The following MTMR14 variants were observed in gnomAD, a reference collection of about 807,000 sequenced individuals.
The protein encoded by MTMR14 is phosphatidylinositol-3,5-bisphosphate 3-phosphatase MTMR14.
In MTMR14, 48 loss-of-function variants were observed where a neutral mutation model predicts 86.3. The ratio of observed to expected loss-of-function variants is 0.56; its 90% CI spans 0.44 to 0.71. The LOEUF is 0.71. Among genes scored for constraint, MTMR14 ranks in the 30% least tolerant of loss-of-function variants. The pLI, the probability that MTMR14 is intolerant of heterozygous loss-of-function variation, is 0.00. For missense variants in MTMR14, 780 were observed against 834.6 expected (o/e 0.93, Z 0.81); for synonymous variants, 366 against 326.1 (o/e 1.12, Z -1.32).
At chr3:9,673,095 G>T (rs953966692) in intron 7 of MTMR14, among the ~76,000 whole-genome samples, 4 of 152,196 alleles carry the variant, frequency 2.6e-5, no homozygotes, top group Non-Finnish European at 5.9e-5. Flanking sequence ...AGTGGTCTGT[G>T]CATGAAAATA....
chr3:9,649,785 G>A, intron 1 of MTMR14, 43 bp downstream of exon 1: 3 of 1,609,618 alleles, frequency 1.9e-6, no homozygotes, highest in Non-Finnish European at 2.5e-6. Context: ...CTCCTAACTT[G>A]GGAAGTTACA....
At position 9,649,529 on chromosome 3, in the gene MTMR14, C is replaced by T. The variant is rs28372784; in HGVS notation, c.-55C>T. ...GAGGTTCTAGTGTCGGAGTTGGGTGCAGGCAGGTGCCATGGGCCCGCTTGA... is the reference window on the plus strand; with the variant it reads ...GAGGTTCTAGTGTCGGAGTTGGGTGTAGGCAGGTGCCATGGGCCCGCTTGA... On this transcript the variant is annotated 5_prime_UTR_variant, in exon 1 of 19. Coordinates refer to ENST00000296003, the MANE Select transcript of MTMR14 (RefSeq NM_001077525.3). The T allele has an allele frequency of 4.3e-5, 64 of 1,503,162 alleles. No homozygotes were observed. Among genetic ancestry groups the T allele is most frequent in the East Asian group, 1.2e-4 (5 of 40,376 alleles). 93.1% of individuals were successfully genotyped at this position (1,503,162 alleles called of 1,614,324 possible). A position where few individuals can be genotyped will look rare whatever the true frequency, so the allele number is the denominator to read the frequency against.
chr3:9,673,275 T>A (rs1376418291), intron 7 of MTMR14, among the ~76,000 whole-genome samples: 1 of 152,248 alleles, frequency 6.6e-6, no homozygotes, highest in Non-Finnish European at 1.5e-5. Context: ...ATAATTGCTA[T>A]GTTCCCAGTA....
intron 1 of MTMR14, among the ~76,000 whole-genome samples, chr3:9,651,662 A>G (rs532059454): frequency 2.6e-5 from 4 of 152,094 alleles, no homozygotes; most frequent in Admixed American, 2.0e-4. Context: ...CTTTGGACTA[A>G]CTTCTTGCAA....
chr3:9,696,800 C>G (rs2076293666), intron 17 of MTMR14, among the ~76,000 whole-genome samples: 1 of 152,200 alleles, frequency 6.6e-6, no homozygotes, highest in Admixed American at 6.5e-5. Flanking sequence ...TGGAGTACCT[C>G]CTGCTGTTTT....
At chr3:9,682,933 G>GTCC (rs2075815443) in intron 9 of MTMR14, among the ~76,000 whole-genome samples, 1 of 142,054 alleles carries the variant, frequency 7.0e-6, no homozygotes, top group African/African-American at 2.7e-5. Flanking sequence ...TTGGGTCAGA[G>GTCC]CCCCCCCCCC....
At chr3:9,658,927 C>T (rs561730292) in intron 2 of MTMR14, among the ~76,000 whole-genome samples, 2 of 152,306 alleles carry the variant, frequency 1.3e-5, no homozygotes, top group South Asian at 2.1e-4. Flanking sequence ...TGGTGGCTCA[C>T]GCCTATAATC....
intron 2 of MTMR14, among the ~76,000 whole-genome samples, chr3:9,655,583 C>T (rs1484589473): frequency 1.3e-5 from 2 of 149,756 alleles, no homozygotes; most frequent in Non-Finnish European, 3.0e-5. Context: ...GCCTCAGCCT[C>T]CTGAGTAGCT....
At chr3:9,683,063 A>G in intron 9 of MTMR14, 115 bp from the exon 10 acceptor site, 2 of 888,414 alleles carry the variant, frequency 2.3e-6, no homozygotes, top group Non-Finnish European at 3.5e-6. Flanking sequence ...TATGGTCTGT[A>G]ACCAAGGACC....
At chr3:9,693,791 G>A (rs1018696407) in intron 17 of MTMR14, among the ~76,000 whole-genome samples, 8 of 152,118 alleles carry the variant, frequency 5.3e-5, no homozygotes, top group African/African-American at 1.7e-4. Context: ...CCAAGGACTT[G>A]GTATTGGTGG....
chr3:9,653,653 G>A lies in MTMR14; in HGVS notation c.192G>A (p.Leu64=). Residue 64 remains leucine (L), a synonymous_variant, in exon 2 of 19, where the codon CTG becomes CTA. Transcript: ENST00000296003. ...GCATTGAGAAGAGATGTCTGGAGCT[G>A]TTTGGCCGAGACTACTGTTTCAGCG... ...VERIEKRCLE[L]FGRDYCFSVI... 6.2e-7 allele frequency: 1 copy of A among 1,614,158 alleles called. No individual in the cohort carries two copies. Among genetic ancestry groups the A allele is most frequent in the Non-Finnish European group, 8.5e-7 (1 of 1,180,046 alleles).
intron 17 of MTMR14, among the ~76,000 whole-genome samples, chr3:9,693,920 G>GCTCTAT (rs2076209769): frequency 6.6e-6 from 1 of 152,204 alleles, no homozygotes; most frequent in Admixed American, 6.5e-5. Flanking sequence ...CCTGATCAAG[G>GCTCTAT]TTCCAGCTCT....
chr3:9,684,495 C>T (rs888324114), intron 10 of MTMR14, 90 bp from the exon 11 acceptor site: 6 of 1,248,632 alleles, frequency 4.8e-6, no homozygotes, highest in Admixed American at 1.7e-5. Flanking sequence ...GGGCCTGGCT[C>T]CCTCCACCAG....
At chr3:9,660,054 A>G (rs191645223) in intron 2 of MTMR14, among the ~76,000 whole-genome samples, 126 of 152,364 alleles carry the variant, frequency 8.3e-4, no homozygotes, top group African/African-American at 2.9e-3. Context: ...CCACGGGCCA[A>G]GTAAGTGGGA....
In MTMR14 at chr3:9,655,306, G is replaced by A. The variant is rs544526294; in HGVS notation, c.308+1537G>A. On this transcript the variant is annotated intron_variant, in intron 2 of 18. Coordinates refer to ENST00000296003, the MANE Select transcript of MTMR14 (RefSeq NM_001077525.3). ...CGCTTGAACCCAGGAGGTGGAGGTT[G>A]CAGTGAGCCGAGATTGCACCACTGC... Among the ~76,000 whole-genome samples, 11 of 151,552 alleles carry A rather than the reference G, an allele frequency of 7.3e-5. No homozygotes were observed. The East Asian group carries it at 2.0e-3, about 27-fold the overall frequency.
intron 2 of MTMR14, among the ~76,000 whole-genome samples, chr3:9,659,160 A>C (rs4260426): frequency 0.092 from 13,965 of 152,152 alleles, 651 homozygotes; most frequent in Admixed American, 0.12. Flanking sequence ...ACCTGAGCCC[A>C]GGAGGTCAGC....
At position 9,653,743 on chromosome 3, in the gene MTMR14, T is replaced by C. The variant is rs2047443669; in HGVS notation, c.282T>C (p.Tyr94=). Residue 94 remains tyrosine, a synonymous_variant, in exon 2 of 19, where the codon TAT becomes TAC. Coordinates refer to ENST00000296003, the MANE Select transcript of MTMR14 (RefSeq NM_001077525.3). ...CCCGGCACATCGTGTTCCTGGAGTA[T>C]GAGAGTTCTGAGAAGGAGAAAGACA... ...HYPRHIVFLE[Y]ESSEKEKDTF... 1 of 1,613,964 alleles carries C rather than the reference T, an allele frequency of 6.2e-7. No individual in the cohort carries two copies.
In MTMR14 at chr3:9,677,867, C is replaced by A; in HGVS notation, c.823-117C>A. 1 of 847,404 alleles carries A rather than the reference C, an allele frequency of 1.2e-6. No homozygotes were observed. The allele number at this position is 847,404 out of a possible 1,614,324, so 52.5% of individuals were successfully genotyped here. A position where few individuals can be genotyped will look rare whatever the true frequency, so the allele number is the denominator to read the frequency against. On this transcript the variant is annotated intron_variant, in intron 8 of 18. Coordinates refer to ENST00000296003, the MANE Select transcript of MTMR14 (RefSeq NM_001077525.3). This position sits in a 1 kb window ranked among gnomAD's most constrained non-coding sequence, Gnocchi z 4.2. Reference sequence around the variant, plus strand: ...ACTCCCAGGTAGCACAGGTATCTGGCCCAGAGAAGGCAAGCACTGCCTGTG... The same window carrying A: ...ACTCCCAGGTAGCACAGGTATCTGGACCAGAGAAGGCAAGCACTGCCTGTG...
intron 7 of MTMR14, among the ~76,000 whole-genome samples, chr3:9,674,098 G>A (rs2048724889): frequency 6.6e-6 from 1 of 152,132 alleles, no homozygotes; most frequent in Non-Finnish European, 1.5e-5. Flanking sequence ...CAGCTCCCAG[G>A]AGATGCTTCG....
Sources: allele counts gnomAD v4.1 joint callset (sites outside exome capture counted in the v4.1 genomes callset), GRCh38; gene constraint gnomAD v4.1.1; non-coding constraint Gnocchi (gnomAD v3.1); transcripts MANE v1.5; gene names NCBI Gene and HGNC (gene_info 2026-07-23, HGNC 2026-07-21).